ASIC2: variants seen among roughly 807,000 people sequenced by gnomAD.
The protein encoded by ASIC2 is acid sensing ion channel subunit 2.
Under a neutral mutation model 57.3 loss-of-function variants are expected in ASIC2, and 25 were observed. That is an observed-to-expected ratio of 0.44 (90% CI 0.32 to 0.61). The LOEUF is 0.61. Among genes scored for constraint, ASIC2 ranks in the 20% least tolerant of loss-of-function variants. The pLI is 0.06. For missense variants in ASIC2, 641 were observed against 738.1 expected (o/e 0.87, Z 1.52); for synonymous variants, 319 against 307.5 (o/e 1.04, Z -0.39).
chr17:33,815,383 C>A (rs1912545742), intron 1 of ASIC2, among the ~76,000 whole-genome samples: 1 of 152,194 alleles, frequency 6.6e-6, no homozygotes. Context: ...CCCCTGAGTT[C>A]CAATCCTCCA....
chr17:33,272,539 C>T (rs936890083), intron 1 of ASIC2, among the ~76,000 whole-genome samples: 1 of 152,148 alleles, frequency 6.6e-6, no homozygotes, highest in Non-Finnish European at 1.5e-5. Context: ...GAGGAAAATC[C>T]TCTTATCACA....
intron 1 of ASIC2, chr17:34,036,676 ATTTGTTTTTTT>A (rs1283263227): frequency 9.1e-6 from 1 of 110,092 alleles, no homozygotes; most frequent in African/African-American, 3.8e-5. Flanking sequence ...GATACTTTGA[ATTTGTTTTTTT>A]TTTTTTTTTT....
chr17:33,647,659 C>T (rs1030000053), intron 1 of ASIC2, among the ~76,000 whole-genome samples: 9 of 152,154 alleles, frequency 5.9e-5, no homozygotes, highest in South Asian at 2.1e-4. Context: ...TATCTGTGCT[C>T]ATGTGTATAA....
intron 1 of ASIC2, among the ~76,000 whole-genome samples, chr17:33,923,919 C>T (rs1915765036): frequency 1.3e-5 from 2 of 152,296 alleles, no homozygotes; most frequent in Non-Finnish European, 1.5e-5. Flanking sequence ...CCAGCAACTA[C>T]ATGGCAGAAG....
intron 1 of ASIC2, among the ~76,000 whole-genome samples, chr17:34,154,035 A>G (rs561727890): frequency 6.6e-6 from 1 of 152,310 alleles, no homozygotes; most frequent in South Asian, 2.1e-4. Flanking sequence ...AGAAGAAGCC[A>G]CCAGTTGGAC....
At chr17:33,793,286 G>A (rs540842443) in intron 1 of ASIC2, 20 of 152,324 alleles carry the variant, frequency 1.3e-4, no homozygotes, top group African/African-American at 4.3e-4. Context: ...AATACTTGCA[G>A]AGCACTTTCC....
intron 1 of ASIC2, among the ~76,000 whole-genome samples, chr17:33,312,160 G>A (rs1906454584): frequency 6.6e-6 from 1 of 152,198 alleles, no homozygotes; most frequent in Admixed American, 6.5e-5. Flanking sequence ...TATTGATACT[G>A]TAGATTTCTG....
chr17:33,659,911 T>TA (rs1447550730), intron 1 of ASIC2, among the ~76,000 whole-genome samples: 5 of 115,408 alleles, frequency 4.3e-5, no homozygotes, highest in Middle Eastern at 4.2e-3. Context: ...AATAAATAAA[T>TA]AAATAAAATA....
chr17:33,063,260 T>C (rs1349248503), intron 3 of ASIC2, among the ~76,000 whole-genome samples: 1 of 152,250 alleles, frequency 6.6e-6, no homozygotes, highest in Admixed American at 6.5e-5. Flanking sequence ...CTAGCATCGA[T>C]GGTCTTTACA....
chr17:33,712,301 T>C (rs1019591971), intron 1 of ASIC2, among the ~76,000 whole-genome samples: 2 of 152,190 alleles, frequency 1.3e-5, no homozygotes, highest in African/African-American at 4.8e-5. Context: ...AAGTCACTGT[T>C]CTGGCCCCAC....
intron 2 of ASIC2, among the ~76,000 whole-genome samples, chr17:33,097,343 C>T (rs1369753677): frequency 6.6e-6 from 1 of 152,212 alleles, no homozygotes; most frequent in East Asian, 1.9e-4. Context: ...GTCAATATCT[C>T]CATTTCATTA....
intron 1 of ASIC2, among the ~76,000 whole-genome samples, chr17:33,605,220 G>A (rs56372564): frequency 0.021 from 3,174 of 152,322 alleles, 57 homozygotes; most frequent in East Asian, 0.071. Context: ...CATGGCAAGA[G>A]CCCTGGCTGC....
chr17:33,777,192 C>T (rs1251428762), intron 1 of ASIC2, among the ~76,000 whole-genome samples: 2 of 152,234 alleles, frequency 1.3e-5, no homozygotes, highest in Non-Finnish European at 2.9e-5. Context: ...TCCTGAATTC[C>T]CTGAGCTTCT....
intron 1 of ASIC2, among the ~76,000 whole-genome samples, chr17:34,131,325 G>C (rs1250232926): frequency 6.6e-6 from 1 of 152,098 alleles, no homozygotes; most frequent in Non-Finnish European, 1.5e-5. Flanking sequence ...AGCTGGGGAG[G>C]AATCAATTAG....
intron 1 of ASIC2, among the ~76,000 whole-genome samples, chr17:33,245,607 C>T (rs72819166): frequency 6.6e-6 from 1 of 152,320 alleles, no homozygotes; most frequent in Non-Finnish European, 1.5e-5. Flanking sequence ...TCAGGAATGA[C>T]AGGAACTGAT....
At chr17:34,040,980 A>G (rs1038182971) in intron 1 of ASIC2, among the ~76,000 whole-genome samples, 2 of 152,172 alleles carry the variant, frequency 1.3e-5, no homozygotes, top group Non-Finnish European at 2.9e-5. Context: ...GGGACACACA[A>G]CCACTCCAAG....
At position 33,370,565 on chromosome 17, in the gene ASIC2, C is replaced by T. The variant is rs35336194; in HGVS notation, c.556-258498G>A. On this transcript the variant is annotated intron_variant, in intron 1 of 9. Coordinates refer to the ASIC2 transcript ENST00000359872. ...AGGTCTGTTACTCAAAGACCCTGGCCGTCTCTGGAAGCAGGGTGGAGGGAG... is the reference window on the plus strand; with the variant it reads ...AGGTCTGTTACTCAAAGACCCTGGCTGTCTCTGGAAGCAGGGTGGAGGGAG... Among the ~76,000 whole-genome samples, 318 of 152,252 alleles carry T rather than the reference C, an allele frequency of 2.1e-3. 1 individual carries two copies. Among genetic ancestry groups the T allele is most frequent in the African/African-American group, 6.9e-3 (287 of 41,564 alleles).
intron 1 of ASIC2, among the ~76,000 whole-genome samples, chr17:33,197,564 T>C (rs1427110090): frequency 3.3e-5 from 5 of 152,258 alleles, no homozygotes; most frequent in African/African-American, 1.2e-4. Flanking sequence ...CCTTTGGGTC[T>C]ATCCTCTCTA....
intron 1 of ASIC2, among the ~76,000 whole-genome samples, chr17:33,999,034 G>T (rs570807764): frequency 5.4e-4 from 82 of 152,070 alleles, no homozygotes; most frequent in Middle Eastern, 3.4e-3. Context: ...CATATATTTA[G>T]GTGTTCCAAT....
Sources: allele counts gnomAD v4.1 joint callset (sites outside exome capture counted in the v4.1 genomes callset), GRCh38; gene constraint gnomAD v4.1.1; transcripts MANE v1.5; gene names NCBI Gene and HGNC (gene_info 2026-07-23, HGNC 2026-07-21).